ZNF729: variants seen among roughly 807,000 people sequenced by gnomAD.
ZNF729 encodes zinc finger protein 729.
ZNF729 carries 15 observed loss-of-function variants against 12.2 expected under a neutral mutation model. That is an observed-to-expected ratio of 1.23 (90% CI 0.82 to 1.89). The LOEUF is 1.89. Among genes scored for constraint, ZNF729 ranks in the 40% most tolerant of loss-of-function variants. The pLI is 0.00. For missense variants in ZNF729, 1,540 were observed against 1,456.7 expected, an observed-to-expected ratio of 1.06 and a Z score of -0.93; for synonymous variants, 492 against 476.3, an observed-to-expected ratio of 1.03 and a Z score of -0.43.
chr19:22,316,375 T>C lies in ZNF729; in HGVS notation c.2958T>C (p.His986=). 1 of 1,613,714 alleles carries C rather than the reference T, an allele frequency of 6.2e-7. No homozygotes were observed. The highest frequency in any genetic ancestry group is 2.2e-5 in the East Asian group (1 of 44,838). The change falls in exon 4 of 4, where the codon CAT becomes CAC. Residue 986 remains histidine (H), a synonymous_variant. Coordinates refer to ENST00000601693, the MANE Select transcript of ZNF729 (RefSeq NM_001242680.2). The part of the protein sequence containing the change: ...SSHLTRHKAI[H]TGEKPYKCEE... ...ATCTTACTAGACATAAAGCAATTCATACTGGGGAGAAACCCTACAAATGCG... is the reference window on the plus strand; with the variant it reads ...ATCTTACTAGACATAAAGCAATTCACACTGGGGAGAAACCCTACAAATGCG...
rs536456604 is a variant in ZNF729 at position 22,310,619 on chromosome 19, GC to G, written c.254-3051del. On this transcript the variant is annotated intron_variant, in intron 3 of 3. Coordinates refer to ENST00000601693, the MANE Select transcript of ZNF729 (RefSeq NM_001242680.2). ...GTTAGCTACTATTTTAAGGATTTTA[GC>G]ATCTATTTTCATCAGGGACATCAGT... is the stretch of plus-strand genomic sequence containing the variant. Among the ~76,000 whole-genome samples the G allele has an allele frequency of 2.5e-3, 373 of 152,130 alleles. 4 individuals are homozygous for G. The highest frequency in any genetic ancestry group is 4.6e-3 in the Non-Finnish European group (315 of 67,970).
In ZNF729 at chr19:22,304,679, A is replaced by G; in HGVS notation, c.158-9A>G. ...CCAATATTTATGTTATTTATTTTTAATAAAACAGGTATGGCTGTCTTTAAG... is the reference window on the plus strand; with the variant it reads ...CCAATATTTATGTTATTTATTTTTAGTAAAACAGGTATGGCTGTCTTTAAG... On this transcript the variant is annotated splice_polypyrimidine_tract_variant and intron_variant, in intron 2 of 3. Coordinates refer to ENST00000601693, the MANE Select transcript of ZNF729 (RefSeq NM_001242680.2). 7 of 1,604,760 alleles carry G rather than the reference A, an allele frequency of 4.4e-6. No individual in the cohort carries two copies. The highest frequency in any genetic ancestry group is 6.0e-6 in the Non-Finnish European group (7 of 1,175,102).
chr19:22,299,314 C>G (rs1968273331), intron 1 of ZNF729: 1 of 152,216 alleles, frequency 6.6e-6, no homozygotes, highest in African/African-American at 2.4e-5. Flanking sequence ...ACTACAACTT[C>G]CACTTCCCAG....
intron 3 of ZNF729, among the ~76,000 whole-genome samples, chr19:22,306,219 T>C (rs562989385): frequency 1.3e-5 from 2 of 152,190 alleles, no homozygotes; most frequent in Admixed American, 1.3e-4. Flanking sequence ...AGCGGGCAGA[T>C]CACGAGGTCA....
intron 1 of ZNF729, among the ~76,000 whole-genome samples, chr19:22,293,780 C>T (rs541759018): frequency 6.9e-4 from 105 of 152,274 alleles, no homozygotes; most frequent in African/African-American, 2.5e-3. Context: ...AGGCATAAGC[C>T]ACGGAGCCCA....
At chr19:22,286,633 C>T in intron 1 of ZNF729, 78 bp downstream of exon 1, 1 of 1,563,312 alleles carries the variant, frequency 6.4e-7, no homozygotes, top group Non-Finnish European at 8.8e-7. Flanking sequence ...TGGCGGGACT[C>T]CGGCCTCCCC....
Position 22,314,214 on chromosome 19 carries a change from G to A in ZNF729, c.797G>A (p.Cys266Tyr), listed in dbSNP as rs1968489156. 2 of 1,603,470 alleles carry A rather than the reference G, an allele frequency of 1.2e-6. No individual in the cohort carries two copies. Among genetic ancestry groups the A allele is most frequent in the Non-Finnish European group, 1.7e-6 (2 of 1,175,550 alleles). The change falls in exon 4 of 4, where the codon TGT becomes TAT. Residue 266 changes from cysteine to tyrosine, a missense_variant. Physicochemically the swap from Cys to Tyr is radical, Grantham distance 194 (BLOSUM62 -2). Transcript: ENST00000601693. ...CATACTGGAGAGACACCTTTCAGAT[G>A]TGAAGAATGTGGCAAAGCTTTTAAC... ...RIHTGETPFR[C>Y]EECGKAFNQS...
At chr19:22,290,855 C>T (rs977706212) in intron 1 of ZNF729, among the ~76,000 whole-genome samples, 1 of 152,088 alleles carries the variant, frequency 6.6e-6, no homozygotes, top group Non-Finnish European at 1.5e-5. Flanking sequence ...GTATTTCTTT[C>T]TGACTTTTCC....
At chr19:22,305,896 C>G (rs542605419) in intron 3 of ZNF729, among the ~76,000 whole-genome samples, 223 of 152,214 alleles carry the variant, frequency 1.5e-3, no homozygotes, top group African/African-American at 5.1e-3. Flanking sequence ...CTCAGCCTCT[C>G]AAACTCAGAT....
At chr19:22,311,992 CAT>C (rs1354907035) in intron 3 of ZNF729, among the ~76,000 whole-genome samples, 3 of 151,888 alleles carry the variant, frequency 2.0e-5, no homozygotes, top group Admixed American at 2.0e-4. Flanking sequence ...TATATTTTGT[CAT>C]ATGTAAGAAT....
rs1436992118 is a variant in ZNF729, at chr19:22,316,118, A to G, written c.2701A>G (p.Ile901Val). Reference sequence around the variant, plus strand: ...GTCAAAACTTACTGTACATAAGGTAATTCATACTGCAGAGAAACCCTGTAA... The same window carrying G: ...GTCAAAACTTACTGTACATAAGGTAGTTCATACTGCAGAGAAACCCTGTAA... ...WLSKLTVHKV[I>V]HTAEKPCKCE... is the part of the protein sequence containing the mutation. Residue 901 changes from isoleucine (I) to valine (V), a missense_variant, in exon 4 of 4, where the codon ATT becomes GTT. Coordinates refer to ENST00000601693, the MANE Select transcript of ZNF729 (RefSeq NM_001242680.2). The G allele has an allele frequency of 6.2e-7, 1 of 1,609,438 alleles. No individual in the cohort carries two copies. The highest frequency in any genetic ancestry group is 1.3e-5 in the African/African-American group (1 of 74,828).
intron 1 of ZNF729, among the ~76,000 whole-genome samples, chr19:22,289,119 A>G (rs1968119605): frequency 6.6e-6 from 1 of 152,062 alleles, no homozygotes; most frequent in Admixed American, 6.6e-5. Context: ...TGTGAATTGC[A>G]TTTTGTTAGT....
chr19:22,298,601 C>CCTCCTGGGCTCAGGTGATT (rs1157003866), intron 1 of ZNF729, among the ~76,000 whole-genome samples: 6 of 152,170 alleles, frequency 3.9e-5, no homozygotes, highest in Non-Finnish European at 7.3e-5. Context: ...ACATCCTCCA[C>CCTCCTGGGCTCAGGTGATT]CTCCTGGGCT....
rs1311638915 is a variant in ZNF729 at position 22,314,430 on chromosome 19, A to T, written c.1013A>T (p.His338Leu). 1.3e-6 allele frequency: 2 copies of T among 1,597,884 alleles called. No homozygotes were observed. Among genetic ancestry groups the T allele is most frequent in the East Asian group, 4.5e-5 (2 of 44,568 alleles). Residue 338 changes from histidine to leucine, a missense_variant, in exon 4 of 4, where the codon CAT becomes CTT. Coordinates refer to ENST00000601693, the MANE Select transcript of ZNF729 (RefSeq NM_001242680.2). ...AACCATTTCTCAGCCCTTAGAAAAC[A>T]TAAGATAATTCATACTGGAAAGAAA... ...TFNHFSALRK[H>L]KIIHTGKKPY...
At chr19:22,298,728 G>T (rs772810138) in intron 1 of ZNF729, among the ~76,000 whole-genome samples, 3 of 152,048 alleles carry the variant, frequency 2.0e-5, no homozygotes, top group Non-Finnish European at 4.4e-5. Flanking sequence ...TGTGCAGGCT[G>T]GTCTCAAACT....
intron 1 of ZNF729, among the ~76,000 whole-genome samples, chr19:22,286,864 G>A (rs1272918644): frequency 6.6e-6 from 1 of 152,232 alleles, no homozygotes; most frequent in Admixed American, 6.5e-5. Context: ...GGCGTCAGGG[G>A]AGAATCCTGA....
At chr19:22,301,272 CTA>C (rs1419074377) in intron 1 of ZNF729, among the ~76,000 whole-genome samples, 2 of 152,210 alleles carry the variant, frequency 1.3e-5, no homozygotes, top group Non-Finnish European at 2.9e-5. Context: ...AATCACACTG[CTA>C]ATCAAGTGTA....
chr19:22,303,710 C>G lies in ZNF729; in HGVS notation c.31-48C>G, dbSNP rs565701577. ...CTTGAGTCAAATTAAAAATTTCTGC[C>G]CATGGCCACTTGGGAAATGTATATG... On this transcript the variant is annotated intron_variant, in intron 1 of 3. Transcript: ENST00000601693. The G allele has an allele frequency of 2.0e-6, 3 of 1,481,650 alleles. No individual in the cohort carries two copies. The East Asian group carries it at 8.3e-5, about 41-fold the overall frequency. The allele number at this position is 1,481,650 out of a possible 1,614,324, so 91.8% of individuals were successfully genotyped here. A position where few individuals can be genotyped will look rare whatever the true frequency, so the allele number is the denominator to read the frequency against.
chr19:22,295,458 T>C (rs926616635), intron 1 of ZNF729, among the ~76,000 whole-genome samples: 2 of 149,666 alleles, frequency 1.3e-5, no homozygotes, highest in Non-Finnish European at 3.0e-5. Context: ...TGCAATCTTC[T>C]CCGCTCACTG....
Sources: allele counts gnomAD v4.1 joint callset (sites outside exome capture counted in the v4.1 genomes callset), GRCh38; gene constraint gnomAD v4.1.1; transcripts MANE v1.5; gene names NCBI Gene and HGNC (gene_info 2026-07-23, HGNC 2026-07-21).